Variants in SLC22A15 observed in about 807,000 individuals in gnomAD.
The protein encoded by SLC22A15 is solute carrier family 22 member 15, also known as flipt 1.
A neutral mutation model predicts 62.7 loss-of-function variants in SLC22A15; 45 were observed. The observed-to-expected ratio is 0.72, with a 90% CI of 0.56 to 0.92. The LOEUF (loss-of-function observed/expected upper bound fraction) is 0.92, where lower values mean the gene tolerates loss of function less well. SLC22A15 is among the 40% of genes least tolerant of loss of function. SLC22A15 has a pLI of 0.00. For missense variants in SLC22A15, 622 were observed against 665.6 expected (o/e 0.93, Z 0.72); for synonymous variants, 264 against 267.0 (o/e 0.99, Z 0.11).
intron 1 of SLC22A15, among the ~76,000 whole-genome samples, chr1:115,986,858 G>A (rs114990452): frequency 8.3e-4 from 127 of 152,318 alleles, no homozygotes; most frequent in African/African-American, 3.0e-3. Flanking sequence ...TGTACCATTA[G>A]CGTCTGGTCT....
chr1:116,003,954 A>C (rs545356073), intron 2 of SLC22A15, among the ~76,000 whole-genome samples: 1 of 152,326 alleles, frequency 6.6e-6, no homozygotes, highest in South Asian at 2.1e-4. Flanking sequence ...CTTCCTCAGG[A>C]AACTGAACCT....
chr1:115,997,128 C>T (rs1204088656), intron 2 of SLC22A15, among the ~76,000 whole-genome samples: 1 of 152,034 alleles, frequency 6.6e-6, no homozygotes, highest in African/African-American at 2.4e-5. Context: ...TTTATCAAAT[C>T]GAGGAAGCCT....
rs1460346396 is a variant in SLC22A15 at position 116,068,070 on chromosome 1, AT to A, written c.*965del. On this transcript the variant is annotated 3_prime_UTR_variant, in exon 12 of 12. Coordinates refer to ENST00000369503, the MANE Select transcript of SLC22A15 (RefSeq NM_018420.3). Reference sequence around the variant, plus strand: ...TGCTTTCAGCATTGTGCCATGAGGGATTTGGACAATATTTAAGAACTTCTTG... The same window carrying A: ...TGCTTTCAGCATTGTGCCATGAGGGATTGGACAATATTTAAGAACTTCTTG... 2.0e-5 allele frequency: 3 copies of A among 152,628 alleles called. No individual in the cohort carries two copies. Among genetic ancestry groups the A allele is most frequent in the Admixed American group, 1.3e-4 (2 of 15,276 alleles). 9.5% of individuals were successfully genotyped at this position (152,628 alleles called of 1,614,324 possible).
chr1:116,065,518 C>G (rs906635396), intron 10 of SLC22A15, among the ~76,000 whole-genome samples: 1 of 152,100 alleles, frequency 6.6e-6, no homozygotes, highest in Non-Finnish European at 1.5e-5. Context: ...GTGTGTTCCC[C>G]TTGTTTCAAC....
chr1:116,009,782 A>G (rs1435817153), intron 2 of SLC22A15, among the ~76,000 whole-genome samples: 1 of 152,250 alleles, frequency 6.6e-6, no homozygotes, highest in Non-Finnish European at 1.5e-5. Flanking sequence ...TGTGGTATAT[A>G]GGTAATGTTT....
At chr1:116,065,194 G>T (rs1658468242) in intron 10 of SLC22A15, among the ~76,000 whole-genome samples, 1 of 152,116 alleles carries the variant, frequency 6.6e-6, no homozygotes, top group South Asian at 2.1e-4. Context: ...AAAGCAACTA[G>T]ATTTGATGTG....
At chr1:116,038,734 T>C (rs541734235) in intron 8 of SLC22A15, among the ~76,000 whole-genome samples, 1 of 152,364 alleles carries the variant, frequency 6.6e-6, no homozygotes, top group South Asian at 2.1e-4. Flanking sequence ...TGTAGTTTTA[T>C]ATTCAGCAGA....
intron 2 of SLC22A15, among the ~76,000 whole-genome samples, chr1:116,012,670 A>G (rs1172103354): frequency 1.3e-5 from 2 of 152,262 alleles, no homozygotes; most frequent in African/African-American, 2.4e-5. Context: ...ACGCTGAAAC[A>G]AAAGATCAGC....
intron 10 of SLC22A15, among the ~76,000 whole-genome samples, chr1:116,065,190 A>G (rs1328237247): frequency 6.6e-6 from 1 of 152,120 alleles, no homozygotes; most frequent in Non-Finnish European, 1.5e-5. Context: ...TTTGAAAGCA[A>G]CTAGATTTGA....
At chr1:116,047,461 A>G (rs781117272) in intron 8 of SLC22A15, among the ~76,000 whole-genome samples, 3 of 151,792 alleles carry the variant, frequency 2.0e-5, no homozygotes, top group Non-Finnish European at 2.9e-5. Flanking sequence ...AAAGCTAAGA[A>G]CCCTCACGGA....
Position 116,020,956 on chromosome 1 carries a change from TCCTA to T in SLC22A15, c.598+72_598+75del, listed in dbSNP as rs1656805358. 4 of 1,383,724 alleles carry T rather than the reference TCCTA, an allele frequency of 2.9e-6. No individual in the cohort carries two copies. The South Asian group carries it at 6.0e-5, about 21-fold the overall frequency. The allele number at this position is 1,383,724 out of a possible 1,614,324, so 85.7% of individuals were successfully genotyped here. On this transcript the variant is annotated intron_variant, in intron 4 of 11. Transcript: ENST00000369503. ...AAAATTTTATAGGGACCCAGTTTAA[TCCTA>T]GAGTCTGGAAATGCATTTGGACTTG...
At chr1:116,029,834 A>G (rs1657306430) in intron 5 of SLC22A15, among the ~76,000 whole-genome samples, 1 of 152,122 alleles carries the variant, frequency 6.6e-6, no homozygotes, top group South Asian at 2.1e-4. Flanking sequence ...ATTTTGGCGT[A>G]TTTTCTGTTG....
At chr1:116,036,799 C>G (rs1262009844) in intron 7 of SLC22A15, among the ~76,000 whole-genome samples, 1 of 152,098 alleles carries the variant, frequency 6.6e-6, no homozygotes, top group African/African-American at 2.4e-5. Context: ...AACCCACTGA[C>G]AAATTTTTTT....
chr1:116,031,258 G>A (rs1273605870), intron 5 of SLC22A15, 108 bp from the exon 6 acceptor site: 1 of 783,914 alleles, frequency 1.3e-6, no homozygotes, highest in Non-Finnish European at 2.1e-6. Context: ...AGTCTAACAT[G>A]GAATCCCATT....
At chr1:116,059,007 A>G (rs1345382378) in intron 8 of SLC22A15, among the ~76,000 whole-genome samples, 1 of 152,204 alleles carries the variant, frequency 6.6e-6, no homozygotes, top group Non-Finnish European at 1.5e-5. Flanking sequence ...GGTGCACTGT[A>G]TACTGCTCGG....
At chr1:116,010,220 T>C (rs61018563) in intron 2 of SLC22A15, among the ~76,000 whole-genome samples, 1 of 152,190 alleles carries the variant, frequency 6.6e-6, no homozygotes, top group Non-Finnish European at 1.5e-5. Context: ...ACAATTATCA[T>C]GCTTAATTAA....
chr1:116,046,698 G>T (rs902851534), intron 8 of SLC22A15, among the ~76,000 whole-genome samples: 1 of 152,172 alleles, frequency 6.6e-6, no homozygotes, highest in African/African-American at 2.4e-5. Context: ...GCTCCTGCAG[G>T]ACCCGGAGAC....
intron 2 of SLC22A15, among the ~76,000 whole-genome samples, chr1:115,999,397 G>T (rs748053251): frequency 1.2e-4 from 18 of 152,030 alleles, no homozygotes; most frequent in Non-Finnish European, 2.5e-4. Flanking sequence ...ATGTGCTGAA[G>T]TCTCCAGCAA....
In SLC22A15 at chr1:116,067,414, G is replaced by C. The variant is rs1236708940; in HGVS notation, c.*306G>C. ...AAAGTGGTAGGCTCATTTGTTTCTA[G>C]AGATTTCATCATGTCGCTTTTCCTT... On this transcript the variant is annotated 3_prime_UTR_variant, in exon 12 of 12. Transcript: ENST00000369503. 2 of 282,296 alleles carry C rather than the reference G, an allele frequency of 7.1e-6. No homozygotes were observed. Among genetic ancestry groups the C allele is most frequent in the Non-Finnish European group, 6.6e-6 (1 of 151,348 alleles). The allele number at this position is 282,296 out of a possible 1,614,324, so 17.5% of individuals were successfully genotyped here.
Sources: allele counts gnomAD v4.1 joint callset (sites outside exome capture counted in the v4.1 genomes callset), GRCh38; gene constraint gnomAD v4.1.1; transcripts MANE v1.5; gene names NCBI Gene and HGNC (gene_info 2026-07-23, HGNC 2026-07-21).